Variants in PCDHA2 observed in about 807,000 individuals in gnomAD.
The protein encoded by PCDHA2 is protocadherin alpha 2.
Under a neutral mutation model 66.0 loss-of-function variants are expected in PCDHA2, and 58 were observed. The ratio of observed to expected loss-of-function variants is 0.88; its 90% CI spans 0.71 to 1.09. PCDHA2 has a LOEUF of 1.09. Among genes scored for constraint, PCDHA2 ranks in the 50% least tolerant of loss-of-function variants. The pLI, the probability that PCDHA2 is intolerant of heterozygous loss-of-function variation, is 0.00. For missense variants in PCDHA2, 1,267 were observed against 1,242.3 expected, an observed-to-expected ratio of 1.02 and a Z score of -0.30; for synonymous variants, 634 against 554.0, an observed-to-expected ratio of 1.14 and a Z score of -2.03.
At chr5:140,836,665 G>A in intron 1 of PCDHA2, 2 of 1,613,382 alleles carry the variant, frequency 1.2e-6, no homozygotes, top group South Asian at 2.2e-5. Context: ...GTGTGCTCTG[G>A]GGAGGGCCCA....
chr5:140,929,681 AAG>A, intron 1 of PCDHA2: 1 of 302,408 alleles, frequency 3.3e-6, no homozygotes, highest in Non-Finnish European at 6.3e-6. Flanking sequence ...AAAAATATGT[AAG>A]AGTCTGCTTT....
chr5:140,808,125 G>A (rs1554124422), intron 1 of PCDHA2: 2 of 1,614,044 alleles, frequency 1.2e-6, no homozygotes, highest in East Asian at 2.2e-5. Context: ...TTTGAAGAAA[G>A]CAAATCCTAT....
intron 1 of PCDHA2, chr5:140,851,195 TAGTC>T (rs1233299239): frequency 1.2e-5 from 14 of 1,207,754 alleles, no homozygotes; most frequent in Non-Finnish European, 1.5e-5. Context: ...ATTTAGTTGT[TAGTC>T]ATTCATTAAA....
At chr5:140,805,781 T>A (rs1021949445) in intron 1 of PCDHA2, 1 of 185,662 alleles carries the variant, frequency 5.4e-6, no homozygotes, top group Non-Finnish European at 1.0e-5. Context: ...GTCTAGAGAC[T>A]TTTTTTGTAT....
chr5:140,991,968 C>A (rs80040458), intron 3 of PCDHA2, among the ~76,000 whole-genome samples: 1,562 of 151,686 alleles, frequency 0.01, 27 homozygotes, highest in African/African-American at 0.036. Context: ...TTTGGTGGGG[C>A]CATTATTCTG....
intron 1 of PCDHA2, chr5:140,847,633 C>T (rs2150402485): frequency 0.65 from 96,440 of 148,450 alleles, 34,032 homozygotes; most frequent in African/African-American, 0.71. Context: ...ATATTGGAGA[C>T]TACAAAGAAG....
intron 1 of PCDHA2, chr5:140,857,829 G>A: frequency 1.9e-6 from 3 of 1,597,788 alleles, no homozygotes; most frequent in Non-Finnish European, 2.6e-6. Context: ...GCTAAGGTGC[G>A]CGCAGTGGAC....
At chr5:140,956,085 A>T (rs1338013265) in intron 1 of PCDHA2, among the ~76,000 whole-genome samples, 1 of 152,214 alleles carries the variant, frequency 6.6e-6, no homozygotes, top group Admixed American at 6.5e-5. Context: ...GGATCATGTC[A>T]TCTGCAAACA....
chr5:140,944,276 A>C (rs2093633258), intron 1 of PCDHA2, among the ~76,000 whole-genome samples: 1 of 152,002 alleles, frequency 6.6e-6, no homozygotes, highest in Non-Finnish European at 1.5e-5. Flanking sequence ...CAGCCTTGAC[A>C]CCCCGGGCTC....
chr5:141,011,852 A>T lies in PCDHA2; in HGVS notation c.*1915A>T, dbSNP rs1288551420. 1 of 153,718 alleles carries T rather than the reference A, an allele frequency of 6.5e-6. No individual in the cohort carries two copies. The highest frequency in any genetic ancestry group is 1.5e-5 in the Non-Finnish European group (1 of 68,038). 9.5% of individuals were successfully genotyped at this position (153,718 alleles called of 1,614,324 possible). A position where few individuals can be genotyped will look rare whatever the true frequency, so the allele number is the denominator to read the frequency against. ...CTGTCACCTTAAATAAGACATTTTA[A>T]TTTTGTTATAATGTACAATTTAGAA... On this transcript the variant is annotated 3_prime_UTR_variant, in exon 4 of 4. Transcript: ENST00000526136.
intron 1 of PCDHA2, chr5:140,861,911 G>A (rs1428528633): frequency 1.3e-5 from 2 of 154,368 alleles, no homozygotes; most frequent in East Asian, 1.9e-4. Context: ...ATATATCACA[G>A]CGCTGGATGT....
At chr5:140,868,865 G>A (rs1554162260) in intron 1 of PCDHA2, 2 of 582,344 alleles carry the variant, frequency 3.4e-6, no homozygotes. Context: ...GGTAAATGCA[G>A]TGCACAGTAC....
At chr5:140,798,399 T>C (rs1181938766) in intron 1 of PCDHA2, among the ~76,000 whole-genome samples, 3 of 152,224 alleles carry the variant, frequency 2.0e-5, no homozygotes, top group Non-Finnish European at 4.4e-5. Context: ...AGAGACCCTC[T>C]CAATTTTGTT....
chr5:140,960,628 T>C (rs1474502656), intron 1 of PCDHA2, among the ~76,000 whole-genome samples: 1 of 152,192 alleles, frequency 6.6e-6, no homozygotes, highest in Non-Finnish European at 1.5e-5. Context: ...TTTTGAAATA[T>C]ATTTTTAAAA....
intron 1 of PCDHA2, chr5:140,834,307 G>C: frequency 7.5e-7 from 1 of 1,341,606 alleles, no homozygotes; most frequent in South Asian, 1.4e-5. Flanking sequence ...CATCGAGATT[G>C]AAATGAAGGG....
Position 140,795,921 on chromosome 5 carries a change from G to C in PCDHA2, c.957G>C (p.Gln319His), listed in dbSNP as rs1554119626. Residue 319 changes from glutamine (Q) to histidine (H), a missense_variant, in exon 1 of 4, where the codon CAG becomes CAC. Transcript: ENST00000526136. Reference protein sequence around the residue: ...DYEEAKSYEIQVTATDKGTPS... With the variant: ...DYEEAKSYEIHVTATDKGTPS... ...AAGAAGCAAAGTCCTACGAGATTCAGGTCACTGCAACTGACAAAGGAACCC... is the reference window on the plus strand; with the variant it reads ...AAGAAGCAAAGTCCTACGAGATTCACGTCACTGCAACTGACAAAGGAACCC... The C allele has an allele frequency of 1.2e-6, 2 of 1,613,800 alleles. No individual in the cohort carries two copies. Among genetic ancestry groups the C allele is most frequent in the Middle Eastern group, 1.6e-4 (1 of 6,084 alleles).
intron 1 of PCDHA2, chr5:140,870,246 C>T (rs782184125): frequency 1.9e-6 from 3 of 1,614,168 alleles, no homozygotes; most frequent in South Asian, 2.2e-5. Flanking sequence ...CAGGTGTCAA[C>T]GGACAGGTGA....
intron 1 of PCDHA2, chr5:140,829,789 G>A (rs1298804039): frequency 6.2e-7 from 1 of 1,613,836 alleles, no homozygotes; most frequent in African/African-American, 1.3e-5. Flanking sequence ...CGGCGCTGCT[G>A]GCGCCTCGGG....
chr5:140,803,067 G>C, intron 1 of PCDHA2: 2 of 1,613,946 alleles, frequency 1.2e-6, no homozygotes, highest in African/African-American at 2.7e-5. Context: ...CCCGTTTCGC[G>C]TGGGGCTGTA....
Sources: gnomAD v4.1 joint callset for allele counts (sites outside exome capture counted in the v4.1 genomes callset) on GRCh38, gnomAD v4.1.1 for gene constraint, MANE v1.5 for transcripts, NCBI Gene and HGNC (gene_info 2026-07-23, HGNC 2026-07-21) for gene names.